Variants in MR1 observed in about 807,000 individuals in gnomAD.
MR1 encodes the protein major histocompatibility complex, class I-related, also known as major histocompatibility complex class I-related protein 1.
MR1 carries 44 observed loss-of-function variants against 37.8 expected under a neutral mutation model. The observed-to-expected ratio is 1.16, with a 90% CI of 0.91 to 1.50. The LOEUF (loss-of-function observed/expected upper bound fraction) is 1.50. Ranked by LOEUF, MR1 falls within the 40% of genes most tolerant of loss-of-function variation. The pLI, the probability that MR1 is intolerant of heterozygous loss-of-function variation, is 0.00. For missense variants in MR1, 386 were observed against 419.1 expected (o/e 0.92, Z 0.69); for synonymous variants, 153 against 155.8 (o/e 0.98, Z 0.13).
intron 1 of MR1, among the ~76,000 whole-genome samples, chr1:181,039,377 T>C (rs1049250375): frequency 6.6e-6 from 1 of 152,220 alleles, no homozygotes; most frequent in African/African-American, 2.4e-5. Flanking sequence ...TCCTAGTGGC[T>C]GGAGCACTCC....
chr1:181,047,066 GAC>G (rs1023859612), intron 1 of MR1, among the ~76,000 whole-genome samples: 21 of 152,066 alleles, frequency 1.4e-4, no homozygotes, highest in Admixed American at 1.4e-3. Context: ...ACCAATTGCG[GAC>G]ACACCACCAC....
rs1341924045 is a variant in MR1 at position 181,061,361 on chromosome 1, G to A, written c.*6096G>A. 1.3e-5 allele frequency: 2 copies of A among 152,352 alleles called. No homozygotes were observed. Among genetic ancestry groups the A allele is most frequent in the East Asian group, 3.9e-4 (2 of 5,182 alleles). The allele number at this position is 152,352 out of a possible 1,614,324, so 9.4% of individuals were successfully genotyped here. ...CCCGGCTTGGCCAGCAGAACACAGA[G>A]TAGATTTTGGTCCCGTTTGTTCCCC... On this transcript the variant is annotated 3_prime_UTR_variant, in exon 6 of 6. Transcript: ENST00000367580.
Position 181,050,177 on chromosome 1 carries a change from G to T in MR1, c.495G>T (p.Trp165Cys). The T allele has an allele frequency of 6.2e-7, 1 of 1,614,228 alleles. No homozygotes were observed. Among genetic ancestry groups the T allele is most frequent in the Non-Finnish European group, 8.5e-7 (1 of 1,180,038 alleles). The part of the protein sequence containing the change: ...DNVAHTIKQA[W>C]EANQHELLYQ... ...TGGCTCACACCATCAAGCAGGCATGGGAGGCCAATCAGCATGAGTTGCTGT... is the reference window on the plus strand; with the variant it reads ...TGGCTCACACCATCAAGCAGGCATGTGAGGCCAATCAGCATGAGTTGCTGT... The change falls in exon 3 of 6, where the codon TGG becomes TGT. Residue 165 changes from tryptophan to cysteine, a missense_variant. Transcript: ENST00000367580.
At chr1:181,046,362 G>A (rs1657868460) in intron 1 of MR1, among the ~76,000 whole-genome samples, 1 of 152,220 alleles carries the variant, frequency 6.6e-6, no homozygotes, top group African/African-American at 2.4e-5. Context: ...TCGGCACTCT[G>A]TATCTAGCTC....
At chr1:181,052,123 C>A in intron 3 of MR1, 112 bp from the exon 4 acceptor site, 1 of 1,250,604 alleles carries the variant, frequency 8.0e-7, no homozygotes, top group Non-Finnish European at 1.1e-6. Context: ...TCATTCTTAG[C>A]TTTAGAAGTT....
Position 181,052,445 on chromosome 1 carries a change from G to T in MR1, c.815G>T (p.Ser272Ile), listed in dbSNP as rs761007984. The T allele has an allele frequency of 1.2e-6, 2 of 1,614,204 alleles. No homozygotes were observed. The highest frequency in any genetic ancestry group is 1.7e-6 in the Non-Finnish European group (2 of 1,180,034). Residue 272 changes from serine to isoleucine, a missense_variant, in exon 4 of 6, where the codon AGC becomes ATC. Ser to Ile is a moderately radical substitution (Grantham distance 142). Coordinates refer to ENST00000367580, the MANE Select transcript of MR1 (RefSeq NM_001385161.1). ...AWASIELDPQSSNLYSCHVEH... is the reference protein window; with the variant it reads ...AWASIELDPQISNLYSCHVEH... ...GCATCAATTGAGCTTGATCCTCAGA[G>T]CAGCAACCTTTACTCCTGTCATGTG...
At position 181,056,322 on chromosome 1, in the gene MR1, C is replaced by G. The variant is rs1658614446; in HGVS notation, c.*1057C>G. Reference sequence around the variant, plus strand: ...GAGATTGCAGTGAGCCGAGATCACGCCACTGCACTCCAGCCTGGCGACAGA... The same window carrying G: ...GAGATTGCAGTGAGCCGAGATCACGGCACTGCACTCCAGCCTGGCGACAGA... On this transcript the variant is annotated 3_prime_UTR_variant, in exon 6 of 6. Transcript: ENST00000367580. The G allele has an allele frequency of 6.6e-6, 1 of 151,518 alleles. No homozygotes were observed. The highest frequency in any genetic ancestry group is 2.4e-5 in the African/African-American group (1 of 41,240). The allele number at this position is 151,518 out of a possible 1,614,324, so 9.4% of individuals were successfully genotyped here.
chr1:181,046,751 G>A (rs1657901904), intron 1 of MR1, among the ~76,000 whole-genome samples: 1 of 152,128 alleles, frequency 6.6e-6, no homozygotes, highest in Non-Finnish European at 1.5e-5. Flanking sequence ...GGTCCACACT[G>A]CCTTTATGAG....
intron 2 of MR1, 122 bp downstream of exon 2, chr1:181,049,434 A>T: frequency 1.6e-6 from 2 of 1,285,884 alleles, no homozygotes; most frequent in South Asian, 3.1e-5. Flanking sequence ...AAGCCTGAGG[A>T]ATCAGGTTGG....
intron 1 of MR1, among the ~76,000 whole-genome samples, chr1:181,034,831 T>C (rs1657186179): frequency 6.6e-6 from 1 of 152,136 alleles, no homozygotes. Flanking sequence ...GAGAGTGGAA[T>C]GACTGACCAT....
At chr1:181,041,058 G>C (rs1330460881) in intron 1 of MR1, among the ~76,000 whole-genome samples, 1 of 150,490 alleles carries the variant, frequency 6.6e-6, no homozygotes, top group Non-Finnish European at 1.5e-5. Context: ...CTCCAGCCCG[G>C]GTGACAGAGT....
At position 181,055,802 on chromosome 1, in the gene MR1, T is replaced by A. The variant is rs1658582607; in HGVS notation, c.*537T>A. On this transcript the variant is annotated 3_prime_UTR_variant, in exon 6 of 6. Transcript: ENST00000367580. ...CTACAGGTAGGATTGGATCACTCCA[T>A]GAGAGTAGCCGGCAGGTTTCTACAA... 6.5e-6 allele frequency: 1 copy of A among 154,052 alleles called. No homozygotes were observed. The highest frequency in any genetic ancestry group is 6.4e-5 in the Admixed American group (1 of 15,634). The allele number at this position is 154,052 out of a possible 1,614,324, so 9.5% of individuals were successfully genotyped here.
Position 181,058,139 on chromosome 1 carries a change from G to T in MR1, c.*2874G>T, listed in dbSNP as rs1658712044. On this transcript the variant is annotated 3_prime_UTR_variant, in exon 6 of 6. Transcript: ENST00000367580. ...GTTATTGCTTCATTACTTCATGGTTGTTGAGTACAGATGCTCAGTAATCAT... is the reference window on the plus strand; with the variant it reads ...GTTATTGCTTCATTACTTCATGGTTTTTGAGTACAGATGCTCAGTAATCAT... 1 of 152,136 alleles carries T rather than the reference G, an allele frequency of 6.6e-6. No homozygotes were observed. The highest frequency in any genetic ancestry group is 1.5e-5 in the Non-Finnish European group (1 of 68,038). 9.4% of individuals were successfully genotyped at this position (152,136 alleles called of 1,614,324 possible).
At position 181,049,171 on chromosome 1, in the gene MR1, C is replaced by T. The variant is rs759016009; in HGVS notation, c.187C>T (p.Arg63Trp). ...HPITTYDSVTRQKEPRAPWMA... is the reference protein window; with the variant it reads ...HPITTYDSVTWQKEPRAPWMA... ...TATCACCACATATGACAGTGTCACT[C>T]GGCAGAAGGAGCCACGGGCCCCATG... Residue 63 changes from arginine (R) to tryptophan (W), a missense_variant, in exon 2 of 6, where the codon CGG becomes TGG. Transcript: ENST00000367580. 2.5e-5 allele frequency: 41 copies of T among 1,614,100 alleles called. No individual in the cohort carries two copies. The highest frequency in any genetic ancestry group is 5.3e-5 in the African/African-American group (4 of 74,932).
At chr1:181,037,710 C>T (rs898878912) in intron 1 of MR1, among the ~76,000 whole-genome samples, 5 of 152,088 alleles carry the variant, frequency 3.3e-5, no homozygotes, top group Non-Finnish European at 7.4e-5. Flanking sequence ...CAAGAGTATA[C>T]ATATTAAGTC....
At chr1:181,046,897 C>G (rs1334578874) in intron 1 of MR1, among the ~76,000 whole-genome samples, 2 of 152,140 alleles carry the variant, frequency 1.3e-5, no homozygotes, top group Non-Finnish European at 2.9e-5. Flanking sequence ...TGCAGCTTCA[C>G]TCCTGAGCCA....
intron 1 of MR1, 79 bp downstream of exon 1, chr1:181,034,153 TGTG>T (rs1657153494): frequency 2.8e-6 from 4 of 1,434,340 alleles, no homozygotes; most frequent in Admixed American, 2.2e-5. Flanking sequence ...TCCTAAAACT[TGTG>T]GTGAAAAATA....
chr1:181,053,472 T>A, intron 4 of MR1, 101 bp from the exon 5 acceptor site: 1 of 763,042 alleles, frequency 1.3e-6, no homozygotes, highest in Non-Finnish European at 2.3e-6. Context: ...GTAAGGAAAA[T>A]GGTGTTGGGT....
chr1:181,038,846 C>T (rs1014737041), intron 1 of MR1, among the ~76,000 whole-genome samples: 9 of 151,796 alleles, frequency 5.9e-5, no homozygotes, highest in African/African-American at 2.2e-4. Flanking sequence ...TCTTATTGCC[C>T]AGGCTGGAGT....
Sources: gnomAD v4.1 joint callset for allele counts (sites outside exome capture counted in the v4.1 genomes callset) on GRCh38, gnomAD v4.1.1 for gene constraint, MANE v1.5 for transcripts, NCBI Gene and HGNC (gene_info 2026-07-23, HGNC 2026-07-21) for gene names.